The following STXBP5L variants were observed in gnomAD, a reference collection of about 807,000 sequenced individuals.
STXBP5L encodes syntaxin binding protein 5L.
In STXBP5L, 65 loss-of-function variants were observed where a neutral mutation model predicts 144.5. The observed-to-expected ratio is 0.45, with a 90% CI of 0.37 to 0.55. The LOEUF is 0.55. Among genes scored for constraint, STXBP5L ranks in the 20% least tolerant of loss-of-function variants. The probability of loss-of-function intolerance (pLI) is 0.00; values close to 1 mark genes in which losing one functional copy is unlikely to be tolerated. For synonymous variants in STXBP5L, 505 were observed against 469.6 expected (o/e 1.08, Z -0.97); for missense variants, 1,298 against 1,405.5 (o/e 0.92, Z 1.22).
At chr3:121,238,809 C>T (rs1004649977) in intron 12 of STXBP5L, among the ~76,000 whole-genome samples, 162 bp from the exon 13 acceptor site, 2 of 148,688 alleles carry the variant, frequency 1.3e-5, no homozygotes, top group African/African-American at 5.0e-5. Context: ...ATTACTATTA[C>T]AAAAAGAGCA....
At chr3:121,344,200 A>C (rs1324784070) in intron 20 of STXBP5L, among the ~76,000 whole-genome samples, 1 of 152,172 alleles carries the variant, frequency 6.6e-6, no homozygotes, top group Non-Finnish European at 1.5e-5. Flanking sequence ...AGCCATATGT[A>C]GAAAGCTGAA....
intron 3 of STXBP5L, among the ~76,000 whole-genome samples, chr3:121,004,035 TC>T (rs1456316247): frequency 2.0e-5 from 3 of 152,094 alleles, no homozygotes; most frequent in Non-Finnish European, 4.4e-5. Context: ...CAATGCAGGC[TC>T]TTTTTTGGTT....
At chr3:121,166,183 T>A (rs2046491909) in intron 9 of STXBP5L, among the ~76,000 whole-genome samples, 3 of 152,120 alleles carry the variant, frequency 2.0e-5, no homozygotes, top group African/African-American at 4.8e-5. Flanking sequence ...ATTTTTATAC[T>A]TTTTGTAGAC....
At chr3:121,416,117 TC>T (rs1484265254) in intron 25 of STXBP5L, 149 bp downstream of exon 25, 1 of 596,254 alleles carries the variant, frequency 1.7e-6, no homozygotes, top group Non-Finnish European at 2.9e-6. Flanking sequence ...AATATTTGTT[TC>T]CTTCTGTACC....
intron 20 of STXBP5L, among the ~76,000 whole-genome samples, chr3:121,355,432 A>G (rs1341642507): frequency 6.6e-6 from 1 of 151,974 alleles, no homozygotes; most frequent in Non-Finnish European, 1.5e-5. Flanking sequence ...TATTTCATTA[A>G]TTTGATATTC....
intron 9 of STXBP5L, among the ~76,000 whole-genome samples, chr3:121,159,894 A>C (rs2108013518): frequency 6.6e-6 from 1 of 152,164 alleles, no homozygotes; most frequent in Admixed American, 6.5e-5. Context: ...AGCCTCCCAA[A>C]GTGCTGGGAT....
At chr3:121,145,687 ATATAT>A (rs2045688119) in intron 7 of STXBP5L, among the ~76,000 whole-genome samples, 1 of 152,050 alleles carries the variant, frequency 6.6e-6, no homozygotes, top group African/African-American at 2.4e-5. Flanking sequence ...TTGCAGTGTA[ATATAT>A]TGAGAATTAT....
At chr3:120,962,849 T>C (rs997086316) in intron 3 of STXBP5L, among the ~76,000 whole-genome samples, 1 of 152,244 alleles carries the variant, frequency 6.6e-6, no homozygotes, top group Non-Finnish European at 1.5e-5. Context: ...GCATTGAATC[T>C]ATAAATTACC....
intron 23 of STXBP5L, among the ~76,000 whole-genome samples, chr3:121,411,959 G>GC (rs1418210542): frequency 1.3e-5 from 2 of 152,152 alleles, no homozygotes; most frequent in Admixed American, 1.3e-4. Context: ...TACAAAAAGT[G>GC]CCCCTGAAAT....
chr3:121,206,074 G>T, intron 10 of STXBP5L, 73 bp downstream of exon 10: 2 of 866,132 alleles, frequency 2.3e-6, no homozygotes, highest in Non-Finnish European at 3.4e-6. Context: ...TTAATGTTAA[G>T]ATATTGTTTA....
chr3:121,019,506 A>G (rs1168076574), intron 3 of STXBP5L, among the ~76,000 whole-genome samples: 1 of 152,150 alleles, frequency 6.6e-6, no homozygotes, highest in East Asian at 1.9e-4. Flanking sequence ...AAGGACCTTC[A>G]CAGAGTCCAC....
At chr3:121,294,409 T>A (rs541602249) in intron 19 of STXBP5L, among the ~76,000 whole-genome samples, 20 of 152,294 alleles carry the variant, frequency 1.3e-4, no homozygotes, top group African/African-American at 4.8e-4. Context: ...CATGTGGTGG[T>A]AGGAAATAAA....
At chr3:121,151,272 A>G (rs964763168) in intron 7 of STXBP5L, among the ~76,000 whole-genome samples, 1 of 152,174 alleles carries the variant, frequency 6.6e-6, no homozygotes, top group Admixed American at 6.5e-5. Flanking sequence ...TTAGCAAGTC[A>G]TATATGCCAT....
intron 22 of STXBP5L, among the ~76,000 whole-genome samples, chr3:121,392,712 G>A (rs2108710677): frequency 1.3e-5 from 2 of 149,622 alleles, no homozygotes; most frequent in African/African-American, 4.9e-5. Flanking sequence ...TAAGCCCAGT[G>A]TGTAGTCAAG....
intron 5 of STXBP5L, among the ~76,000 whole-genome samples, chr3:121,084,388 G>T (rs1325073198): frequency 6.6e-6 from 1 of 152,018 alleles, no homozygotes; most frequent in African/African-American, 2.4e-5. Flanking sequence ...GCCCCAGTGT[G>T]TGTTGTTCCC....
chr3:121,387,658 T>C (rs1028600852), intron 22 of STXBP5L, among the ~76,000 whole-genome samples: 11 of 152,166 alleles, frequency 7.2e-5, no homozygotes, highest in African/African-American at 2.2e-4. Context: ...TTATTAAATA[T>C]GGAATCCTTT....
chr3:121,322,954 G>C (rs1309067509), intron 20 of STXBP5L, among the ~76,000 whole-genome samples: 5 of 152,114 alleles, frequency 3.3e-5, no homozygotes, highest in Non-Finnish European at 7.4e-5. Flanking sequence ...TAATGATGCT[G>C]AGCACTTTTT....
At chr3:121,059,895 T>C (rs1312428389) in intron 5 of STXBP5L, among the ~76,000 whole-genome samples, 1 of 152,240 alleles carries the variant, frequency 6.6e-6, no homozygotes, top group Non-Finnish European at 1.5e-5. Context: ...GTTTTCTAAA[T>C]ATATAATCAT....
chr3:120,975,108 C>T (rs1395196117), intron 3 of STXBP5L, among the ~76,000 whole-genome samples: 2 of 152,160 alleles, frequency 1.3e-5, no homozygotes, highest in Non-Finnish European at 2.9e-5. Context: ...ATGGGGATGG[C>T]ATTGAATCTA....
Sources: allele counts gnomAD v4.1 joint callset (sites outside exome capture counted in the v4.1 genomes callset), GRCh38; gene constraint gnomAD v4.1.1; transcripts MANE v1.5; gene names NCBI Gene and HGNC (gene_info 2026-07-23, HGNC 2026-07-21).